The following TNKS variants were observed in gnomAD, a reference collection of about 807,000 sequenced individuals.
The protein encoded by TNKS is poly [ADP-ribose] polymerase tankyrase-1.
A neutral mutation model predicts 135.8 loss-of-function variants in TNKS; 72 were observed. The observed-to-expected ratio is 0.53, with a 90% CI of 0.44 to 0.64. The LOEUF (loss-of-function observed/expected upper bound fraction) is 0.64. TNKS is among the 30% of genes least tolerant of loss of function. TNKS has a pLI of 0.00. For missense variants in TNKS, 1,769 were observed against 1,674.0 expected (o/e 1.06, Z -0.99); for synonymous variants, 849 against 649.3 (o/e 1.31, Z -4.68).
intron 15 of TNKS, among the ~76,000 whole-genome samples, chr8:9,734,479 C>T (rs1424322751): frequency 6.8e-6 from 1 of 147,874 alleles, no homozygotes; most frequent in Admixed American, 6.8e-5. Flanking sequence ...ACTCTACTCT[C>T]TTCTTTTTCA....
intron 17 of TNKS, among the ~76,000 whole-genome samples, chr8:9,745,658 G>C (rs1347972562): frequency 6.6e-6 from 1 of 152,114 alleles, no homozygotes; most frequent in East Asian, 1.9e-4. Context: ...GCTGGCCTCG[G>C]CCTCCCAAAG....
chr8:9,779,498 T>C lies in TNKS; in HGVS notation c.*2762T>C, dbSNP rs1346941518. On this transcript the variant is annotated 3_prime_UTR_variant, in exon 27 of 27. Transcript: ENST00000310430. ...TAAAGGGCTTCTCCAGACCTGATGGTTCCAGTTTACCTGCTGTTGGCCTGC... is the reference window on the plus strand; with the variant it reads ...TAAAGGGCTTCTCCAGACCTGATGGCTCCAGTTTACCTGCTGTTGGCCTGC... 1 of 152,212 alleles carries C rather than the reference T, an allele frequency of 6.6e-6. No individual in the cohort carries two copies. Among genetic ancestry groups the C allele is most frequent in the Admixed American group, 6.5e-5 (1 of 15,282 alleles). The allele number at this position is 152,212 out of a possible 1,614,324, so 9.4% of individuals were successfully genotyped here.
rs117463465 is a variant in TNKS, at chr8:9,577,839, A to G, written c.674-2320A>G. ...CTCAACTCATTCCAGCATTAACTCA[A>G]AAGTCCAGAGTTCAAAGCAAAGCAA... On this transcript the variant is annotated intron_variant, in intron 1 of 26. Transcript: ENST00000310430. Among the ~76,000 whole-genome samples, 1,506 of 152,272 alleles carry G rather than the reference A, an allele frequency of 9.9e-3. 13 individuals carry two copies. Among genetic ancestry groups the G allele is most frequent in the Non-Finnish European group, 0.015 (1,003 of 68,004 alleles).
intron 20 of TNKS, among the ~76,000 whole-genome samples, chr8:9,760,919 T>C (rs1020754019): frequency 1.3e-5 from 2 of 152,240 alleles, no homozygotes; most frequent in East Asian, 3.8e-4. Flanking sequence ...CTTATCCAAA[T>C]TGGAATTTTA....
At chr8:9,566,701 C>T (rs982825233) in intron 1 of TNKS, among the ~76,000 whole-genome samples, 2 of 150,510 alleles carry the variant, frequency 1.3e-5, no homozygotes, top group Admixed American at 6.6e-5. Context: ...CTCCGCCTCC[C>T]GGGTTCACGC....
chr8:9,563,404 A>T (rs780696596), intron 1 of TNKS, among the ~76,000 whole-genome samples: 4 of 152,100 alleles, frequency 2.6e-5, no homozygotes, highest in Non-Finnish European at 4.4e-5. Context: ...TTGTAGCCAT[A>T]TGGTCCCTCT....
At chr8:9,720,043 T>C (rs762897471) in intron 11 of TNKS, among the ~76,000 whole-genome samples, 2 of 152,148 alleles carry the variant, frequency 1.3e-5, no homozygotes, top group African/African-American at 2.4e-5. Flanking sequence ...AGCATCCTCA[T>C]TGTGGCAAGC....
Position 9,626,395 on chromosome 8 carries a change from A to G in TNKS, c.994+10718A>G, listed in dbSNP as rs77959074. ...GGTATACTTAGGCGCTGTGAGATTT[A>G]TGGCAAATTCCTCACGTCTAGAACT... On this transcript the variant is annotated intron_variant, in intron 3 of 26. Coordinates refer to ENST00000310430, the MANE Select transcript of TNKS (RefSeq NM_003747.3). Among the ~76,000 whole-genome samples the G allele has an allele frequency of 4.3e-4, 66 of 152,330 alleles. No individual in the cohort carries two copies. The East Asian group carries it at 8.9e-3, about 20-fold the overall frequency.
chr8:9,652,589 T>A (rs1341320758), intron 3 of TNKS, among the ~76,000 whole-genome samples: 2 of 152,206 alleles, frequency 1.3e-5, no homozygotes, highest in East Asian at 3.8e-4. Flanking sequence ...ATCTGTTTTC[T>A]CAGCTTATTT....
intron 26 of TNKS, among the ~76,000 whole-genome samples, chr8:9,772,703 C>A (rs146144726): frequency 3.6e-4 from 55 of 151,790 alleles, no homozygotes; most frequent in African/African-American, 1.2e-3. Flanking sequence ...TTACGTAAGG[C>A]AATATGTCTA....
At chr8:9,749,640 A>G (rs1416549226) in intron 18 of TNKS, among the ~76,000 whole-genome samples, 1 of 151,088 alleles carries the variant, frequency 6.6e-6, no homozygotes, top group African/African-American at 2.4e-5. Context: ...ATGCCTGGCT[A>G]TTTTTTTTGT....
chr8:9,728,990 C>G (rs1051976881), intron 13 of TNKS, among the ~76,000 whole-genome samples: 11 of 152,186 alleles, frequency 7.2e-5, no homozygotes, highest in African/African-American at 2.4e-4. Flanking sequence ...ATTTATTTCT[C>G]TCAGTTCTGG....
intron 25 of TNKS, 58 bp downstream of exon 25, chr8:9,766,483 CT>C (rs61212620): frequency 0.14 from 125,606 of 878,828 alleles, 15 homozygotes; most frequent in Middle Eastern, 0.19. Context: ...ACCAAATTGT[CT>C]TTTTTTTTTT....
intron 5 of TNKS, among the ~76,000 whole-genome samples, chr8:9,684,397 A>G (rs1034130690): frequency 6.6e-6 from 1 of 152,036 alleles, no homozygotes; most frequent in Non-Finnish European, 1.5e-5. Context: ...ATGAAAATAA[A>G]TATTTGAATA....
intron 2 of TNKS, among the ~76,000 whole-genome samples, chr8:9,594,157 G>C (rs1020484128): frequency 3.3e-5 from 5 of 152,180 alleles, no homozygotes; most frequent in African/African-American, 1.2e-4. Flanking sequence ...AAAGTGCTAG[G>C]ATTACAGGCA....
intron 2 of TNKS, among the ~76,000 whole-genome samples, chr8:9,604,552 T>A (rs923859368): frequency 2.6e-5 from 4 of 152,020 alleles, no homozygotes; most frequent in Non-Finnish European, 5.9e-5. Context: ...GTGTAGTTTA[T>A]GTACTATTAA....
chr8:9,635,138 C>CCA (rs1280481720), intron 3 of TNKS, among the ~76,000 whole-genome samples: 1 of 151,682 alleles, frequency 6.6e-6, no homozygotes, highest in Non-Finnish European at 1.5e-5. Flanking sequence ...CCACTGCACT[C>CCA]CAGCCTGGAC....
intron 4 of TNKS, among the ~76,000 whole-genome samples, chr8:9,680,349 A>T (rs1563163490): frequency 1.4e-5 from 2 of 140,438 alleles, no homozygotes; most frequent in African/African-American, 2.6e-5. Context: ...ATCCTCATCT[A>T]TTTTTTTTGT....
At chr8:9,663,957 C>T (rs145433041) in intron 3 of TNKS, among the ~76,000 whole-genome samples, 1 of 152,262 alleles carries the variant, frequency 6.6e-6, no homozygotes, top group Non-Finnish European at 1.5e-5. Flanking sequence ...ATCATTCCCT[C>T]CCTGGAGATC....
Sources: gnomAD v4.1 joint callset for allele counts (sites outside exome capture counted in the v4.1 genomes callset) on GRCh38, gnomAD v4.1.1 for gene constraint, MANE v1.5 for transcripts, NCBI Gene and HGNC (gene_info 2026-07-23, HGNC 2026-07-21) for gene names.